PNPT1: variants seen among roughly 807,000 people sequenced by gnomAD.
The protein encoded by PNPT1 is polyribonucleotide nucleotidyltransferase 1.
PNPT1 carries 53 observed loss-of-function variants against 119.5 expected under a neutral mutation model. That is an observed-to-expected ratio of 0.44 (90% CI 0.36 to 0.56). The LOEUF (loss-of-function observed/expected upper bound fraction) is 0.56. Among genes scored for constraint, PNPT1 ranks in the 20% least tolerant of loss-of-function variants. The pLI is 0.00. For synonymous variants in PNPT1, 357 were observed against 322.1 expected, an observed-to-expected ratio of 1.11 and a Z score of -1.16; for missense variants, 948 against 938.5, an observed-to-expected ratio of 1.01 and a Z score of -0.13.
Position 55,644,664 on chromosome 2 carries a change from T to C in PNPT1, c.1879A>G (p.Asn627Asp). Residue 627 changes from asparagine (N) to aspartate (D), a missense_variant, in exon 23 of 28, where the codon AAC (asparagine) becomes GAC (aspartate). Coordinates refer to ENST00000447944, the MANE Select transcript of PNPT1 (RefSeq NM_033109.5). Reference protein sequence around the residue: ...RAKFVGPGGYNLKKLQAETGV... With the variant: ...RAKFVGPGGYDLKKLQAETGV... ...GTTTCAGCCTGAAGTTTTTTTAAGT[T>C]ATAGCCACCAGGTCCAACAAATTTT... 6.2e-7 allele frequency: 1 copy of C among 1,612,260 alleles called. No homozygotes were observed. Among genetic ancestry groups the C allele is most frequent in the Non-Finnish European group, 8.5e-7 (1 of 1,178,650 alleles).
In PNPT1 at chr2:55,691,878, A is replaced by ATATATATATATTTT. The variant is rs1326804958; in HGVS notation, c.161+1784_161+1785insAAAATATATATATA. ...TATATATATATATATATATATATAT[A>ATATATATATATTTT]TTTTTTTTTTTTTTTTTTTTTTTTG... On this transcript the variant is annotated intron_variant, in intron 1 of 27. Coordinates refer to ENST00000447944, the MANE Select transcript of PNPT1 (RefSeq NM_033109.5). Among the ~76,000 whole-genome samples, 23 of 33,058 alleles carry ATATATATATATTTT rather than the reference A, an allele frequency of 7.0e-4. 1 individual carries two copies. The highest frequency in any genetic ancestry group is 1.1e-3 in the Non-Finnish European group (19 of 16,992). The allele number at this position is 33,058 out of a possible 152,430, so 21.7% of individuals were successfully genotyped here.
In PNPT1 at chr2:55,684,949, T is replaced by C. The variant is rs756714219; in HGVS notation, c.397A>G (p.Ile133Val). Residue 133 changes from isoleucine to valine, a missense_variant, in exon 4 of 28, where the codon ATA becomes GTA. Coordinates refer to ENST00000447944, the MANE Select transcript of PNPT1 (RefSeq NM_033109.5). ...TSDKEILTSRIIDRSIRPLFP... is the reference protein window; with the variant it reads ...TSDKEILTSRVIDRSIRPLFP... Reference sequence around the variant, plus strand: ...CTCTATGTTAATATCTTACCTATTATTCGACTTGTTAGAATTTCTTTATCA... The same window carrying C: ...CTCTATGTTAATATCTTACCTATTACTCGACTTGTTAGAATTTCTTTATCA... The C allele has an allele frequency of 1.3e-5, 20 of 1,571,582 alleles. No homozygotes were observed. The Admixed American group carries it at 3.0e-4, about 23-fold the overall frequency.
At position 55,644,966 on chromosome 2, in the gene PNPT1, T is replaced by G. The variant is rs1263730750; in HGVS notation, c.1823-246A>C. 8.1e-6 allele frequency: 3 copies of G among 368,196 alleles called. No individual in the cohort carries two copies. In the East Asian group the frequency reaches 1.4e-4, roughly 17 times the overall value. The allele number at this position is 368,196 out of a possible 1,614,324, so 22.8% of individuals were successfully genotyped here. On this transcript the variant is annotated intron_variant, in intron 22 of 27. Transcript: ENST00000447944. ...GTTTTGTGCACTGGGTAAAAACAAT[T>G]TAAAAGCAGTAATATTCATTCATAT...
intron 23 of PNPT1, among the ~76,000 whole-genome samples, chr2:55,644,315 G>T (rs4632387): frequency 2.4e-4 from 37 of 151,946 alleles, no homozygotes; most frequent in African/African-American, 8.4e-4. Flanking sequence ...GAAAGTAGCA[G>T]AATAAAAAGA....
In PNPT1 at chr2:55,645,409, T is replaced by C; in HGVS notation, c.1762A>G (p.Ile588Val). ...GGTTTTGAAATAGTTTTGTTCATGA[T>C]CTGTAATATCTCCTTTTTTGCCACT... ...ASVAKKEILQ[I>V]MNKTISKPRA... Residue 588 changes from isoleucine to valine, a missense_variant, in exon 22 of 28, where the codon ATC becomes GTC. Transcript: ENST00000447944. 3 of 1,611,224 alleles carry C rather than the reference T, an allele frequency of 1.9e-6. No individual in the cohort carries two copies. The highest frequency in any genetic ancestry group is 2.5e-6 in the Non-Finnish European group (3 of 1,177,754).
At chr2:55,682,744 C>T (rs1050681371) in intron 5 of PNPT1, among the ~76,000 whole-genome samples, 30 of 151,840 alleles carry the variant, frequency 2.0e-4, no homozygotes, top group Non-Finnish European at 3.8e-4. Flanking sequence ...CCCCTCTCTA[C>T]AAAAAACAAA....
chr2:55,642,510 G>A (rs1345760260), intron 25 of PNPT1, among the ~76,000 whole-genome samples: 1 of 149,752 alleles, frequency 6.7e-6, no homozygotes, highest in African/African-American at 2.5e-5. Flanking sequence ...CGGGGAGGAT[G>A]AGGCAGAATG....
chr2:55,659,543 C>T (rs1192423124), intron 15 of PNPT1, among the ~76,000 whole-genome samples: 5 of 150,920 alleles, frequency 3.3e-5, no homozygotes, highest in African/African-American at 7.3e-5. Flanking sequence ...TAACCTAAAA[C>T]GATATTGTCT....
chr2:55,671,472 T>C, intron 10 of PNPT1, 96 bp from the exon 11 acceptor site: 3 of 672,816 alleles, frequency 4.5e-6, no homozygotes, highest in Non-Finnish European at 7.1e-6. Context: ...TGTGAATTAC[T>C]CTGATTTCTT....
intron 11 of PNPT1, among the ~76,000 whole-genome samples, chr2:55,668,801 C>A (rs866352133): frequency 1.3e-5 from 2 of 151,316 alleles, no homozygotes; most frequent in Non-Finnish European, 2.9e-5. Flanking sequence ...GGTTTCTCCA[C>A]GTTGGTCAGG....
At chr2:55,690,685 C>A (rs1697569149) in intron 1 of PNPT1, among the ~76,000 whole-genome samples, 1 of 151,954 alleles carries the variant, frequency 6.6e-6, no homozygotes. Flanking sequence ...ATTCTTGACT[C>A]TGAAATATTA....
intron 11 of PNPT1, among the ~76,000 whole-genome samples, chr2:55,668,163 G>C (rs1696798277): frequency 1.3e-5 from 2 of 152,324 alleles, no homozygotes; most frequent in South Asian, 4.1e-4. Flanking sequence ...CTACAACTGT[G>C]TTGTTATTGT....
At chr2:55,670,415 T>C (rs577364139) in intron 11 of PNPT1, among the ~76,000 whole-genome samples, 8 of 151,296 alleles carry the variant, frequency 5.3e-5, no homozygotes, top group Admixed American at 3.3e-4. Flanking sequence ...CTCGATCTCT[T>C]GACCTCGTGA....
At chr2:55,672,291 CTTAA>C (rs1696940259) in intron 9 of PNPT1, among the ~76,000 whole-genome samples, 1 of 152,190 alleles carries the variant, frequency 6.6e-6, no homozygotes, top group African/African-American at 2.4e-5. Flanking sequence ...TTCTTTTCTT[CTTAA>C]TTGTTCAATT....
At chr2:55,668,791 G>A (rs1475057496) in intron 11 of PNPT1, among the ~76,000 whole-genome samples, 1 of 151,804 alleles carries the variant, frequency 6.6e-6, no homozygotes, top group Non-Finnish European at 1.5e-5. Flanking sequence ...GTAGAGACGG[G>A]GTTTCTCCAC....
At position 55,644,634 on chromosome 2, in the gene PNPT1, T is replaced by C. The variant is rs553006578; in HGVS notation, c.1906+3A>G. ...AAAACCCCAAACTTCATACAACTCT[T>C]ACCTGTTTCAGCCTGAAGTTTTTTT... On this transcript the variant is annotated splice_donor_region_variant and intron_variant, in intron 23 of 27. Coordinates refer to ENST00000447944, the MANE Select transcript of PNPT1 (RefSeq NM_033109.5). 1 of 1,599,462 alleles carries C rather than the reference T, an allele frequency of 6.3e-7. No homozygotes were observed. Among genetic ancestry groups the C allele is most frequent in the African/African-American group, 1.3e-5 (1 of 74,668 alleles).
At chr2:55,687,959 T>G (rs1572837938) in intron 1 of PNPT1, among the ~76,000 whole-genome samples, 2 of 152,182 alleles carry the variant, frequency 1.3e-5, no homozygotes. Context: ...AGAAGTTAAC[T>G]GCTTCCCTAA....
intron 26 of PNPT1, among the ~76,000 whole-genome samples, 159 bp from the exon 27 acceptor site, chr2:55,637,758 A>G (rs570939502): frequency 8.5e-5 from 13 of 152,188 alleles, no homozygotes; most frequent in Admixed American, 7.9e-4. Flanking sequence ...GCACTTTGGG[A>G]GGCAGAAGCG....
chr2:55,663,176 G>A (rs1010615283), intron 13 of PNPT1, among the ~76,000 whole-genome samples: 2 of 152,210 alleles, frequency 1.3e-5, no homozygotes, highest in African/African-American at 2.4e-5. Context: ...GAGCCACCAC[G>A]CCCGGCGACA....
Sources: allele counts gnomAD v4.1 joint callset (sites outside exome capture counted in the v4.1 genomes callset), GRCh38; gene constraint gnomAD v4.1.1; transcripts MANE v1.5; gene names NCBI Gene and HGNC (gene_info 2026-07-23, HGNC 2026-07-21).